The following SENP6 variants were observed in gnomAD, a reference collection of about 807,000 sequenced individuals.
SENP6 encodes the protein sentrin-specific protease 6.
A neutral mutation model predicts 134.5 loss-of-function variants in SENP6; 41 were observed. The observed-to-expected ratio is 0.30, with a 90% CI of 0.24 to 0.40. The LOEUF is 0.40. SENP6 is among the 10% of genes least tolerant of loss of function. The pLI is 1.00. For synonymous variants in SENP6, 395 were observed against 429.8 expected, an observed-to-expected ratio of 0.92 and a Z score of 1.00; for missense variants, 1,248 against 1,312.5, an observed-to-expected ratio of 0.95 and a Z score of 0.76.
intron 16 of SENP6, among the ~76,000 whole-genome samples, chr6:75,684,446 TGGTGAGA>T (rs1257795850): frequency 3.3e-5 from 5 of 152,016 alleles, no homozygotes; most frequent in Non-Finnish European, 5.9e-5. Flanking sequence ...TGAATAGGAG[TGGTGAGA>T]GAGGGCATCC....
At chr6:75,626,104 C>G (rs1462084616) in intron 3 of SENP6, among the ~76,000 whole-genome samples, 2 of 149,194 alleles carry the variant, frequency 1.3e-5, no homozygotes, top group Non-Finnish European at 3.0e-5. Context: ...TGGTATTCTA[C>G]CAACTAAATA....
At chr6:75,696,990 A>G (rs1301017439) in intron 17 of SENP6, among the ~76,000 whole-genome samples, 3 of 152,188 alleles carry the variant, frequency 2.0e-5, no homozygotes, top group African/African-American at 7.2e-5. Context: ...CTTAGAGGTG[A>G]TAACAGTCAT....
chr6:75,687,924 C>G (rs1049254501), intron 16 of SENP6, among the ~76,000 whole-genome samples: 2 of 152,026 alleles, frequency 1.3e-5, no homozygotes, highest in African/African-American at 2.4e-5. Flanking sequence ...AACCACTGCT[C>G]TCTTCAGAGC....
intron 3 of SENP6, 120 bp from the exon 4 acceptor site, chr6:75,633,461 A>G (rs534392733): frequency 2.5e-6 from 2 of 789,244 alleles, no homozygotes; most frequent in Non-Finnish European, 1.9e-6. Flanking sequence ...TGCCAATGCT[A>G]TCCACCATCA....
At chr6:75,688,428 G>A (rs1365449873) in intron 16 of SENP6, among the ~76,000 whole-genome samples, 2 of 152,130 alleles carry the variant, frequency 1.3e-5, no homozygotes, top group African/African-American at 4.8e-5. Context: ...CCAATGAGAT[G>A]AACTAGTTAC....
At position 75,634,778 on chromosome 6, in the gene SENP6, C is replaced by A; in HGVS notation, c.425C>A (p.Ala142Glu). Residue 142 changes from alanine to glutamate, a missense_variant, in exon 5 of 24, where the codon GCA (alanine) becomes GAA (glutamate). Physicochemically the swap from Ala to Glu is moderately radical, Grantham distance 107. Coordinates refer to ENST00000447266, the MANE Select transcript of SENP6 (RefSeq NM_015571.4). ...VHGRRFHHAH[A>E]QIPVVKTAAQ... ...GGTAGACGTTTTCATCATGCTCATGCACAGATACCAGTAGTAAAAACAGCA... is the reference window on the plus strand; with the variant it reads ...GGTAGACGTTTTCATCATGCTCATGAACAGATACCAGTAGTAAAAACAGCA... 3 of 1,603,424 alleles carry A rather than the reference C, an allele frequency of 1.9e-6. No homozygotes were observed. The South Asian group carries it at 3.4e-5, about 18-fold the overall frequency.
chr6:75,697,796 T>C, intron 18 of SENP6: 1 of 283,560 alleles, frequency 3.5e-6, no homozygotes, highest in Non-Finnish European at 6.5e-6. Context: ...GTGCTTATTG[T>C]CTAGCAAGTA....
Position 75,700,397 on chromosome 6 carries a change from C to T in SENP6, c.2289-2248C>T, listed in dbSNP as rs570718387. Among the ~76,000 whole-genome samples, 4 of 152,304 alleles carry T rather than the reference C, an allele frequency of 2.6e-5. No individual in the cohort carries two copies. In the East Asian group the frequency reaches 5.8e-4, roughly 22 times the overall value. On this transcript the variant is annotated intron_variant, in intron 18 of 23. Coordinates refer to ENST00000447266, the MANE Select transcript of SENP6 (RefSeq NM_015571.4). ...GGTGAGGATATTTGTAGCTTAGCCA[C>T]ATTGGCATAGCTAAGAAATATTAAG...
chr6:75,688,517 G>T (rs1262428404), intron 16 of SENP6, among the ~76,000 whole-genome samples: 1 of 152,064 alleles, frequency 6.6e-6, no homozygotes, highest in East Asian at 1.9e-4. Flanking sequence ...TTCCTATTTG[G>T]CCATCTTGGA....
rs71002751 is a variant in SENP6, at chr6:75,617,263, CTTTTTTTTTTTTTTT to C, written c.53-4256_53-4242del. 6.9e-5 allele frequency among the ~76,000 whole-genome samples: 4 copies of C among 58,100 alleles called. No individual in the cohort carries two copies. The East Asian group carries it at 2.3e-3, about 34-fold the overall frequency. 38.1% of individuals were successfully genotyped at this position (58,100 alleles called of 152,430 possible). ...GATGGTTTGGAGAATTTCTTTCTTTCTTTTTTTTTTTTTTTTTTTTTTTTTTTGAGACGGAGTTTC... is the reference window on the plus strand; with the variant it reads ...GATGGTTTGGAGAATTTCTTTCTTTCTTTTTTTTTTTTGAGACGGAGTTTC... On this transcript the variant is annotated intron_variant, in intron 1 of 23. Transcript: ENST00000447266.
chr6:75,703,716 C>T (rs887132595), intron 19 of SENP6, among the ~76,000 whole-genome samples: 3 of 151,912 alleles, frequency 2.0e-5, no homozygotes, highest in Non-Finnish European at 2.9e-5. Context: ...GAGTGGAGAT[C>T]GCACCACTGC....
intron 1 of SENP6, among the ~76,000 whole-genome samples, chr6:75,607,927 G>A (rs567512706): frequency 4.6e-5 from 7 of 152,260 alleles, no homozygotes; most frequent in African/African-American, 9.6e-5. Flanking sequence ...TCTCCCAAAC[G>A]ATTGGCATTC....
intron 2 of SENP6, among the ~76,000 whole-genome samples, chr6:75,622,090 A>G (rs1768316931): frequency 6.6e-6 from 1 of 152,202 alleles, no homozygotes; most frequent in African/African-American, 2.4e-5. Flanking sequence ...GATTCTCACC[A>G]GAGAAAGCAG....
intron 1 of SENP6, among the ~76,000 whole-genome samples, chr6:75,608,123 T>G (rs1172481354): frequency 6.6e-6 from 1 of 152,220 alleles, no homozygotes; most frequent in African/African-American, 2.4e-5. Flanking sequence ...TGTGAGTTCA[T>G]GTACTTGAAA....
At chr6:75,651,627 C>G (rs1770874581) in intron 7 of SENP6, among the ~76,000 whole-genome samples, 1 of 152,166 alleles carries the variant, frequency 6.6e-6, no homozygotes, top group Non-Finnish European at 1.5e-5. Flanking sequence ...GCTGGGATTA[C>G]AGGTTTGGGC....
chr6:75,656,195 CAG>C (rs1427872944), intron 7 of SENP6, among the ~76,000 whole-genome samples: 1 of 127,142 alleles, frequency 7.9e-6, no homozygotes, highest in Non-Finnish European at 1.6e-5. Context: ...GCCTGGGCGA[CAG>C]AGCAAGACTC....
intron 1 of SENP6, among the ~76,000 whole-genome samples, chr6:75,605,059 C>T (rs780335377): frequency 6.6e-5 from 10 of 152,174 alleles, no homozygotes; most frequent in South Asian, 2.1e-4. Flanking sequence ...GGGCGAGGAG[C>T]GAAACTACAT....
chr6:75,663,860 G>T (rs1411463342), intron 9 of SENP6, among the ~76,000 whole-genome samples: 1 of 147,772 alleles, frequency 6.8e-6, no homozygotes, highest in African/African-American at 2.5e-5. Context: ...AGTATGCATA[G>T]CCCAATAAAA....
chr6:75,629,799 A>C (rs1321533716), intron 3 of SENP6, among the ~76,000 whole-genome samples: 1 of 152,212 alleles, frequency 6.6e-6, no homozygotes, highest in East Asian at 1.9e-4. Flanking sequence ...TAGAGTAAAA[A>C]TTAATATAGT....
Sources: gnomAD v4.1 joint callset for allele counts (sites outside exome capture counted in the v4.1 genomes callset) on GRCh38, gnomAD v4.1.1 for gene constraint, MANE v1.5 for transcripts, NCBI Gene and HGNC (gene_info 2026-07-23, HGNC 2026-07-21) for gene names.